Variants in EYS observed in about 807,000 individuals in gnomAD.
The protein encoded by EYS is protein eyes shut homolog.
Under a neutral mutation model 282.1 loss-of-function variants are expected in EYS, and 250 were observed. The observed-to-expected ratio is 0.89, with a 90% CI of 0.80 to 0.98. EYS has a LOEUF of 0.98. Ranked by LOEUF, EYS falls within the 50% of genes least tolerant of loss-of-function variation. The pLI is 0.00. For synonymous variants in EYS, 1,355 were observed against 1,282.9 expected (o/e 1.06, Z -1.20); for missense variants, 4,016 against 3,709.0 (o/e 1.08, Z -2.15).
At chr6:64,903,608 G>A (rs772009763) in intron 16 of EYS, among the ~76,000 whole-genome samples, 1 of 152,040 alleles carries the variant, frequency 6.6e-6, no homozygotes, top group South Asian at 2.1e-4. Context: ...GTTGGCATGC[G>A]AGTGATATAG....
intron 22 of EYS, among the ~76,000 whole-genome samples, chr6:64,684,330 A>G (rs1277226559): frequency 6.6e-6 from 1 of 152,164 alleles, no homozygotes; most frequent in Non-Finnish European, 1.5e-5. Flanking sequence ...TTTTTAAAAA[A>G]TGAAACCTAA....
At chr6:64,726,500 T>C (rs1771762224) in intron 22 of EYS, among the ~76,000 whole-genome samples, 1 of 152,156 alleles carries the variant, frequency 6.6e-6, no homozygotes, top group South Asian at 2.1e-4. Flanking sequence ...ATAGATATTA[T>C]AAAACTATAT....
chr6:64,888,392 G>A (rs992096196), intron 18 of EYS, among the ~76,000 whole-genome samples: 1 of 151,918 alleles, frequency 6.6e-6, no homozygotes, highest in African/African-American at 2.4e-5. Flanking sequence ...AATGTATTAT[G>A]TAGTATAATG....
intron 14 of EYS, among the ~76,000 whole-genome samples, chr6:64,979,171 G>C (rs1770571757): frequency 6.6e-6 from 1 of 151,714 alleles, no homozygotes; most frequent in Non-Finnish European, 1.5e-5. Context: ...ACCAAAAACT[G>C]TATGACTCGC....
chr6:65,411,842 A>T (rs894523315), intron 5 of EYS, among the ~76,000 whole-genome samples: 6 of 151,494 alleles, frequency 4.0e-5, no homozygotes, highest in Non-Finnish European at 8.8e-5. Context: ...TTAATTGGTA[A>T]ATAGTAGTAT....
At chr6:64,563,340 A>G (rs1765459249) in intron 26 of EYS, among the ~76,000 whole-genome samples, 1 of 151,414 alleles carries the variant, frequency 6.6e-6, no homozygotes, top group South Asian at 2.1e-4. Flanking sequence ...TTTTTGAAGC[A>G]GATGAAAAAA....
intron 19 of EYS, among the ~76,000 whole-genome samples, chr6:64,849,323 C>A (rs1583220348): frequency 6.6e-6 from 1 of 151,594 alleles, no homozygotes; most frequent in Admixed American, 6.6e-5. Context: ...TTATATAAGA[C>A]AATTCTACTA....
chr6:64,367,039 G>T (rs1022995510), intron 29 of EYS, among the ~76,000 whole-genome samples: 1 of 152,044 alleles, frequency 6.6e-6, no homozygotes, highest in Admixed American at 6.6e-5. Context: ...GATTATCAAA[G>T]TAAAAAATAG....
At chr6:63,731,048 C>G (rs370828618) in intron 41 of EYS, among the ~76,000 whole-genome samples, 1 of 152,078 alleles carries the variant, frequency 6.6e-6, no homozygotes, top group Admixed American at 6.6e-5. Context: ...ATTACTAATA[C>G]TGATAAACAT....
At chr6:63,880,551 T>C (rs1268053581) in intron 35 of EYS, among the ~76,000 whole-genome samples, 1 of 150,956 alleles carries the variant, frequency 6.6e-6, no homozygotes, top group Non-Finnish European at 1.5e-5. Flanking sequence ...TATGGAAACC[T>C]GACTAATTCA....
intron 22 of EYS, among the ~76,000 whole-genome samples, chr6:64,713,499 TTCA>T (rs1263155795): frequency 4.6e-5 from 7 of 152,270 alleles, no homozygotes; most frequent in African/African-American, 1.7e-4. Context: ...AGATATTTCC[TTCA>T]TAAGTTTATA....
At chr6:64,903,011 T>C (rs1171730976) in intron 16 of EYS, among the ~76,000 whole-genome samples, 1 of 151,994 alleles carries the variant, frequency 6.6e-6, no homozygotes, top group African/African-American at 2.4e-5. Context: ...ATGCCAGTTA[T>C]ATTAAAAAAA....
intron 31 of EYS, among the ~76,000 whole-genome samples, chr6:64,128,636 T>C (rs957079121): frequency 3.9e-5 from 6 of 152,288 alleles, no homozygotes; most frequent in South Asian, 2.1e-4. Context: ...ACAGAACTTA[T>C]TTCAAAGATT....
intron 18 of EYS, among the ~76,000 whole-genome samples, chr6:64,895,762 T>G (rs1187179284): frequency 2.0e-5 from 3 of 152,256 alleles, no homozygotes; most frequent in Non-Finnish European, 4.4e-5. Flanking sequence ...TCTGAGTTTA[T>G]TTTTTAAGTG....
In EYS at chr6:65,494,767, TCAAGTTC is replaced by T. The variant is rs1285201633; in HGVS notation, c.637_643del (p.Glu213MetfsTer42). 2 of 1,613,978 alleles carry T rather than the reference TCAAGTTC, an allele frequency of 1.2e-6. No individual in the cohort carries two copies. The highest frequency in any genetic ancestry group is 2.7e-5 in the African/African-American group (2 of 74,922). On this transcript the variant is annotated frameshift_variant, in exon 4 of 43. Transcript: ENST00000503581. LOFTEE classifies it high-confidence loss of function. Reference sequence around the variant, plus strand: ...TTTACATGGTTTAAAAGAACATGCATCAAGTTCCTGGCAGTATTTTCCAGAAAATGGA... The same window carrying T: ...TTTACATGGTTTAAAAGAACATGCATCTGGCAGTATTTTCCAGAAAATGGA...
At chr6:63,938,604 T>A (rs538501136) in intron 35 of EYS, among the ~76,000 whole-genome samples, 1 of 152,348 alleles carries the variant, frequency 6.6e-6, no homozygotes, top group South Asian at 2.1e-4. Context: ...GAAAATGTGA[T>A]CTGTAAATGA....
At chr6:65,330,849 T>C (rs905225995) in intron 11 of EYS, 4 of 932,880 alleles carry the variant, frequency 4.3e-6, no homozygotes, top group East Asian at 2.4e-4. Flanking sequence ...TCTACTTCTA[T>C]ATAAGGTATA....
chr6:64,988,488 C>T (rs944770820), intron 14 of EYS, among the ~76,000 whole-genome samples: 3 of 151,514 alleles, frequency 2.0e-5, no homozygotes, highest in African/African-American at 7.3e-5. Context: ...AGTTAAAAGA[C>T]GTACAGGTAA....
chr6:63,797,431 G>C (rs1770673463), intron 37 of EYS: 1 of 152,156 alleles, frequency 6.6e-6, no homozygotes. Flanking sequence ...CTAGACATTT[G>C]AGCCATTTTT....
Sources: gnomAD v4.1 joint callset for allele counts (sites outside exome capture counted in the v4.1 genomes callset) on GRCh38, gnomAD v4.1.1 for gene constraint, MANE v1.5 for transcripts, NCBI Gene and HGNC (gene_info 2026-07-23, HGNC 2026-07-21) for gene names.